Variants in PLD1 observed in about 807,000 individuals in gnomAD.
The protein encoded by PLD1 is phospholipase D1.
Under a neutral mutation model 137.1 loss-of-function variants are expected in PLD1, and 112 were observed. The observed-to-expected ratio is 0.82, with a 90% CI of 0.70 to 0.96. The LOEUF (loss-of-function observed/expected upper bound fraction) is 0.96, where lower values mean the gene tolerates loss of function less well. Ranked by LOEUF, PLD1 falls within the 40% of genes least tolerant of loss-of-function variation. PLD1 has a pLI of 0.00. For missense variants in PLD1, 1,321 were observed against 1,342.0 expected, an observed-to-expected ratio of 0.98 and a Z score of 0.24; for synonymous variants, 431 against 454.7, an observed-to-expected ratio of 0.95 and a Z score of 0.66.
intron 1 of PLD1, among the ~76,000 whole-genome samples, chr3:171,794,527 T>G (rs773959484): frequency 3.7e-4 from 56 of 152,184 alleles, no homozygotes; most frequent in Non-Finnish European, 7.2e-4. Context: ...GAGGGTAGTT[T>G]CATACTGAAA....
At chr3:171,649,603 C>A (rs1736554839) in intron 21 of PLD1, among the ~76,000 whole-genome samples, 1 of 152,108 alleles carries the variant, frequency 6.6e-6, no homozygotes, top group Non-Finnish European at 1.5e-5. Flanking sequence ...ATCTGAGCCC[C>A]TAGTGTATAA....
At chr3:171,761,397 G>C (rs1328349200) in intron 1 of PLD1, among the ~76,000 whole-genome samples, 7 of 152,146 alleles carry the variant, frequency 4.6e-5, no homozygotes, top group Non-Finnish European at 8.8e-5. Context: ...CTCCAGGAGA[G>C]CCTCCTTGGT....
intron 1 of PLD1, among the ~76,000 whole-genome samples, chr3:171,762,176 A>T (rs1388540365): frequency 6.6e-6 from 1 of 152,228 alleles, no homozygotes. Flanking sequence ...GTGAAAATGA[A>T]TGATGCAGTA....
At chr3:171,717,610 C>T (rs1310405303) in intron 8 of PLD1, among the ~76,000 whole-genome samples, 1 of 152,212 alleles carries the variant, frequency 6.6e-6, no homozygotes, top group Admixed American at 6.5e-5. Context: ...TGTATATCAG[C>T]TCAAGGAGTT....
chr3:171,795,777 CTT>C (rs964865203), intron 1 of PLD1, among the ~76,000 whole-genome samples: 4 of 152,180 alleles, frequency 2.6e-5, no homozygotes, highest in Non-Finnish European at 4.4e-5. Context: ...AGTTCTAAAA[CTT>C]TGTAATTTAG....
At chr3:171,692,306 T>A in intron 13 of PLD1, 26 bp downstream of exon 13, 1 of 1,039,376 alleles carries the variant, frequency 9.6e-7, no homozygotes, top group Non-Finnish European at 1.5e-6. Flanking sequence ...TAAAGAAACA[T>A]TGGTTATCAA....
At chr3:171,624,860 C>G (rs936550822) in intron 23 of PLD1, among the ~76,000 whole-genome samples, 1 of 151,756 alleles carries the variant, frequency 6.6e-6, no homozygotes, top group Non-Finnish European at 1.5e-5. Flanking sequence ...GAGCATTTTT[C>G]CAAGAAGAAA....
At chr3:171,697,704 T>C (rs578019967) in intron 12 of PLD1, among the ~76,000 whole-genome samples, 1 of 152,318 alleles carries the variant, frequency 6.6e-6, no homozygotes, top group South Asian at 2.1e-4. Flanking sequence ...CTTTCCCTTT[T>C]AAAAATGTTT....
intron 26 of PLD1, among the ~76,000 whole-genome samples, chr3:171,603,828 T>A (rs1731999951): frequency 6.6e-6 from 1 of 152,194 alleles, no homozygotes; most frequent in Non-Finnish European, 1.5e-5. Context: ...ACAGCACTAT[T>A]CTCACACCTA....
chr3:171,752,002 CA>C (rs201612180), intron 1 of PLD1, among the ~76,000 whole-genome samples: 5,013 of 78,138 alleles, frequency 0.064, 153 homozygotes, highest in African/African-American at 0.15. Flanking sequence ...GACTCCGTCT[CA>C]AAAAAAAAAA....
chr3:171,772,750 C>A (rs1468292151), intron 1 of PLD1, among the ~76,000 whole-genome samples: 1 of 152,152 alleles, frequency 6.6e-6, no homozygotes, highest in Non-Finnish European at 1.5e-5. Context: ...GCTATGCGAG[C>A]ACATTAATGT....
At chr3:171,756,610 T>C (rs866721503) in intron 1 of PLD1, among the ~76,000 whole-genome samples, 3 of 152,314 alleles carry the variant, frequency 2.0e-5, no homozygotes, top group Middle Eastern at 3.4e-3. Context: ...TGCATAGGCA[T>C]AGTTGACAGA....
chr3:171,692,817 G>A (rs1715326790), intron 12 of PLD1, among the ~76,000 whole-genome samples: 1 of 152,002 alleles, frequency 6.6e-6, no homozygotes, highest in African/African-American at 2.4e-5. Context: ...CACTGCACCT[G>A]GCCTGCACTG....
chr3:171,752,207 A>G (rs1002434007), intron 1 of PLD1, among the ~76,000 whole-genome samples: 16 of 152,250 alleles, frequency 1.1e-4, no homozygotes, highest in Non-Finnish European at 1.9e-4. Context: ...ATTTAAAAAC[A>G]TAGAACAATC....
chr3:171,675,066 T>C, intron 18 of PLD1, among the ~76,000 whole-genome samples: 1 of 151,844 alleles, frequency 6.6e-6, no homozygotes, highest in Non-Finnish European at 1.5e-5. Flanking sequence ...ATGGTGGACA[T>C]TTCTAAGTGA....
At chr3:171,624,950 G>C (rs1175433621) in intron 23 of PLD1, among the ~76,000 whole-genome samples, 1 of 152,034 alleles carries the variant, frequency 6.6e-6, no homozygotes, top group Admixed American at 6.6e-5. Flanking sequence ...AAGATGGTTG[G>C]GGTAGAAACT....
At chr3:171,609,033 A>T (rs1232941233) in intron 25 of PLD1, among the ~76,000 whole-genome samples, 1 of 152,220 alleles carries the variant, frequency 6.6e-6, no homozygotes, top group Non-Finnish European at 1.5e-5. Context: ...CTTATAAATC[A>T]TTAAAAGAAA....
intron 7 of PLD1, among the ~76,000 whole-genome samples, chr3:171,725,657 C>T (rs1560254142): frequency 2.6e-5 from 4 of 152,156 alleles, no homozygotes; most frequent in Admixed American, 6.5e-5. Context: ...AAATAATCAT[C>T]AAAATGAGTA....
intron 23 of PLD1, among the ~76,000 whole-genome samples, chr3:171,629,668 T>C (rs1734485747): frequency 6.6e-6 from 1 of 151,742 alleles, no homozygotes; most frequent in African/African-American, 2.4e-5. Flanking sequence ...AACAGAGATA[T>C]AGATCAATGG....
Sources: gnomAD v4.1 joint callset for allele counts (sites outside exome capture counted in the v4.1 genomes callset) on GRCh38, gnomAD v4.1.1 for gene constraint, MANE v1.5 for transcripts, NCBI Gene and HGNC (gene_info 2026-07-23, HGNC 2026-07-21) for gene names.